Variants in PIP5K1C observed in about 807,000 individuals in gnomAD.
The protein encoded by PIP5K1C is phosphatidylinositol 4-phosphate 5-kinase type-1 gamma.
PIP5K1C carries 45 observed loss-of-function variants against 80.1 expected under a neutral mutation model. That is an observed-to-expected ratio of 0.56 (90% CI 0.44 to 0.72). PIP5K1C has a LOEUF of 0.72. Among genes scored for constraint, PIP5K1C ranks in the 30% least tolerant of loss-of-function variants. The pLI, the probability that PIP5K1C is intolerant of heterozygous loss-of-function variation, is 0.00. For missense variants in PIP5K1C, 753 were observed against 954.6 expected (o/e 0.79, Z 2.78); for synonymous variants, 498 against 420.1 (o/e 1.19, Z -2.27).
chr19:3,638,831 T>TGA (rs576355609), intron 16 of PIP5K1C, 53 bp downstream of exon 16: 1 of 1,609,362 alleles, frequency 6.2e-7, no homozygotes, highest in South Asian at 1.1e-5. Flanking sequence ...GGAGCGTGTG[T>TGA]GAGAGAGAGT....
chr19:3,640,070 A>G (rs1390021731), intron 15 of PIP5K1C, among the ~76,000 whole-genome samples: 1 of 152,232 alleles, frequency 6.6e-6, no homozygotes, highest in Non-Finnish European at 1.5e-5. Flanking sequence ...CCAGGGCTTT[A>G]GTTTTGGGTC....
At position 3,648,082 on chromosome 19, in the gene PIP5K1C, G is replaced by C. The variant is rs115132885; in HGVS notation, c.1211+543C>G. Among the ~76,000 whole-genome samples the C allele has an allele frequency of 0.014, 2,117 of 152,072 alleles. 55 individuals carry two copies. The highest frequency in any genetic ancestry group is 0.048 in the African/African-American group (1,996 of 41,480). ...TGTCACCCAGCCTGGGGTGCAGTACGGCCATCATAGCTCACTGCTGCAGCC... is the reference window on the plus strand; with the variant it reads ...TGTCACCCAGCCTGGGGTGCAGTACCGCCATCATAGCTCACTGCTGCAGCC... On this transcript the variant is annotated intron_variant, in intron 9 of 17. Coordinates refer to ENST00000335312, the MANE Select transcript of PIP5K1C (RefSeq NM_012398.3). This position sits in a 1 kb window ranked among gnomAD's most constrained non-coding sequence, Gnocchi z 4.3.
At chr19:3,675,636 G>A (rs1476045278) in intron 1 of PIP5K1C, among the ~76,000 whole-genome samples, 1 of 152,210 alleles carries the variant, frequency 6.6e-6, no homozygotes, top group Non-Finnish European at 1.5e-5. Flanking sequence ...AAACGGCCCT[G>A]CCTCAGGCCT....
At chr19:3,643,121 T>C (rs1184377116) in intron 13 of PIP5K1C, 122 bp downstream of exon 13, 12 of 1,479,418 alleles carry the variant, frequency 8.1e-6, no homozygotes, top group South Asian at 1.1e-5. Flanking sequence ...TGTATGTACA[T>C]CCACCGTACA....
chr19:3,642,326 C>T (rs1328373776), intron 14 of PIP5K1C, among the ~76,000 whole-genome samples: 2 of 152,228 alleles, frequency 1.3e-5, no homozygotes, highest in Admixed American at 6.5e-5. Flanking sequence ...CCAGGGACCT[C>T]GCAAATGTCC....
intron 8 of PIP5K1C, among the ~76,000 whole-genome samples, chr19:3,650,325 C>T (rs923708725): frequency 6.6e-6 from 1 of 152,250 alleles, no homozygotes; most frequent in African/African-American, 2.4e-5. Context: ...CCTCCCTCCT[C>T]CAAGGCCGCT....
intron 2 of PIP5K1C, 104 bp downstream of exon 2, chr19:3,667,218 G>A (rs2035041360): frequency 1.0e-6 from 1 of 963,208 alleles, no homozygotes; most frequent in Non-Finnish European, 1.6e-6. Context: ...TTGGGGCCCA[G>A]AGAGGTGTAG....
intron 8 of PIP5K1C, among the ~76,000 whole-genome samples, chr19:3,650,774 T>A (rs2034411563): frequency 1.3e-5 from 2 of 152,224 alleles, no homozygotes; most frequent in Admixed American, 6.5e-5. Flanking sequence ...TTTTTCTTTT[T>A]GGACAGAGTT....
intron 7 of PIP5K1C, among the ~76,000 whole-genome samples, chr19:3,652,418 G>C (rs2034486031): frequency 6.6e-6 from 1 of 152,232 alleles, no homozygotes; most frequent in African/African-American, 2.4e-5. Context: ...GGATGCCCAG[G>C]GTAGCCTCAA....
At chr19:3,633,788 A>G (rs1289831666) in intron 16 of PIP5K1C, among the ~76,000 whole-genome samples, 1 of 151,994 alleles carries the variant, frequency 6.6e-6, no homozygotes, top group Non-Finnish European at 1.5e-5. Flanking sequence ...GGCCTGAGAT[A>G]GCAGGTGACA....
intron 2 of PIP5K1C, among the ~76,000 whole-genome samples, chr19:3,666,380 T>A (rs1263829345): frequency 6.6e-6 from 1 of 152,124 alleles, no homozygotes; most frequent in African/African-American, 2.4e-5. Context: ...TGGCAGAAGC[T>A]GCAAAGGCAG....
chr19:3,680,299 C>G (rs977010707), intron 1 of PIP5K1C, among the ~76,000 whole-genome samples: 5 of 152,124 alleles, frequency 3.3e-5, no homozygotes, highest in Non-Finnish European at 5.9e-5. Context: ...TGTCTAAATG[C>G]AACTGTCTTT....
At chr19:3,640,184 C>T (rs1037215230) in intron 15 of PIP5K1C, among the ~76,000 whole-genome samples, 29 of 152,164 alleles carry the variant, frequency 1.9e-4, no homozygotes, top group African/African-American at 5.3e-4. Context: ...ACAGTGCAAG[C>T]ATGGGATTAT....
chr19:3,699,867 G>A (rs1399637336), intron 1 of PIP5K1C, among the ~76,000 whole-genome samples: 1 of 152,194 alleles, frequency 6.6e-6, no homozygotes, highest in Non-Finnish European at 1.5e-5. Flanking sequence ...GAGGTAAACT[G>A]AGGCCCAGGA....
chr19:3,643,482 A>G, intron 12 of PIP5K1C, 101 bp from the exon 13 acceptor site: 2 of 1,424,240 alleles, frequency 1.4e-6, no homozygotes, highest in Non-Finnish European at 1.9e-6. Context: ...CCCACAGCCC[A>G]GTGCCCGCCC....
At chr19:3,668,711 G>C (rs913606637) in intron 1 of PIP5K1C, among the ~76,000 whole-genome samples, 1 of 152,198 alleles carries the variant, frequency 6.6e-6, no homozygotes, top group African/African-American at 2.4e-5. Flanking sequence ...AGGGGCTCAC[G>C]GTCAACAGGG....
rs1337538565 is a variant in PIP5K1C, at chr19:3,692,750, T to C, written c.94+7547A>G. Among the ~76,000 whole-genome samples the C allele has an allele frequency of 2.7e-5, 4 of 147,732 alleles. No homozygotes were observed. In the East Asian group the frequency reaches 8.0e-4, roughly 29 times the overall value. The stretch of plus-strand genomic sequence containing the variant: ...TCCTCTGCCCGCAGCCCTCCATGGC[T>C]CCCACCTCCCTTGGGGTCAAAGCCC... On this transcript the variant is annotated intron_variant, in intron 1 of 17. Transcript: ENST00000335312. This position sits in a 1 kb window ranked among gnomAD's most constrained non-coding sequence, Gnocchi z 5.2.
Position 3,648,411 on chromosome 19 carries a change from C to T in PIP5K1C, c.1211+214G>A, listed in dbSNP as rs987516671. The stretch of plus-strand genomic sequence containing the variant: ...AGAGCTTTCCAGGTTGAGGAAGCCC[C>T]GAGAGCTGCTGGTGCGGCTGTTTCC... On this transcript the variant is annotated intron_variant, in intron 9 of 17. Coordinates refer to ENST00000335312, the MANE Select transcript of PIP5K1C (RefSeq NM_012398.3). This position sits in a 1 kb window ranked among gnomAD's most constrained non-coding sequence, Gnocchi z 4.3. Among the ~76,000 whole-genome samples, 6 of 152,208 alleles carry T rather than the reference C, an allele frequency of 3.9e-5. No homozygotes were observed. The highest frequency in any genetic ancestry group is 1.3e-4 in the Admixed American group (2 of 15,282).
At chr19:3,691,920 T>A (rs1160107737) in intron 1 of PIP5K1C, among the ~76,000 whole-genome samples, 1 of 152,124 alleles carries the variant, frequency 6.6e-6, no homozygotes, top group East Asian at 1.9e-4. Flanking sequence ...CCAGGCTGGC[T>A]CATACGCGCC....
Sources: allele counts gnomAD v4.1 joint callset (sites outside exome capture counted in the v4.1 genomes callset), GRCh38; gene constraint gnomAD v4.1.1; non-coding constraint Gnocchi (gnomAD v3.1); transcripts MANE v1.5; gene names NCBI Gene and HGNC (gene_info 2026-07-23, HGNC 2026-07-21).